Variants in PDGFC observed in about 807,000 individuals in gnomAD.
The protein encoded by PDGFC is platelet derived growth factor C, also known as platelet-derived growth factor C.
A neutral mutation model predicts 35.5 loss-of-function variants in PDGFC; 12 were observed. That is an observed-to-expected ratio of 0.34 (90% CI 0.22 to 0.55). The LOEUF (loss-of-function observed/expected upper bound fraction) is 0.55. Among genes scored for constraint, PDGFC ranks in the 20% least tolerant of loss-of-function variants. PDGFC has a pLI of 0.91. For missense variants in PDGFC, 322 were observed against 412.4 expected, an observed-to-expected ratio of 0.78 and a Z score of 1.90; for synonymous variants, 159 against 148.8, an observed-to-expected ratio of 1.07 and a Z score of -0.50.
intron 1 of PDGFC, among the ~76,000 whole-genome samples, chr4:156,923,750 A>G (rs932931495): frequency 6.6e-6 from 1 of 152,212 alleles, no homozygotes; most frequent in Non-Finnish European, 1.5e-5. Context: ...ACAAAAGATC[A>G]TATCAGTGAG....
intron 1 of PDGFC, among the ~76,000 whole-genome samples, chr4:156,931,737 A>G (rs1731554233): frequency 6.6e-6 from 1 of 152,106 alleles, no homozygotes; most frequent in South Asian, 2.1e-4. Flanking sequence ...AAGTGGAGAT[A>G]TTTATTCAGA....
chr4:156,912,845 A>G (rs1367633215), intron 1 of PDGFC, among the ~76,000 whole-genome samples: 2 of 152,058 alleles, frequency 1.3e-5, no homozygotes, highest in African/African-American at 4.8e-5. Flanking sequence ...AATATCTTTA[A>G]TTATAGACTA....
chr4:156,760,798 G>T lies in PDGFC; in HGVS notation c.*2292C>A, dbSNP rs557023938. On this transcript the variant is annotated 3_prime_UTR_variant, in exon 6 of 6. Coordinates refer to ENST00000502773, the MANE Select transcript of PDGFC (RefSeq NM_016205.3). ...TAAACAAAAAATAAATATTAAAAAA[G>T]GGAAAATATATTTCGTTCAAAGATG... 1 of 152,148 alleles carries T rather than the reference G, an allele frequency of 6.6e-6. No homozygotes were observed. Among genetic ancestry groups the T allele is most frequent in the South Asian group, 2.1e-4 (1 of 4,820 alleles). The allele number at this position is 152,148 out of a possible 1,614,324, so 9.4% of individuals were successfully genotyped here. A position where few individuals can be genotyped will look rare whatever the true frequency, so the allele number is the denominator to read the frequency against.
intron 1 of PDGFC, among the ~76,000 whole-genome samples, chr4:156,929,088 AG>A (rs1731487378): frequency 6.6e-6 from 1 of 152,258 alleles, no homozygotes; most frequent in African/African-American, 2.4e-5. Flanking sequence ...CAATAGTCAA[AG>A]AAGCAGTAAC....
intron 1 of PDGFC, among the ~76,000 whole-genome samples, chr4:156,910,028 TAG>T (rs1208468185): frequency 1.3e-5 from 2 of 152,030 alleles, no homozygotes; most frequent in African/African-American, 4.8e-5. Context: ...TCCAAAAGCT[TAG>T]AGACAGTCAT....
At position 156,971,422 on chromosome 4, in the gene PDGFC, C is replaced by A. The variant is rs1159202476; in HGVS notation, c.-519G>T. 2.6e-6 allele frequency: 1 copy of A among 383,990 alleles called. No homozygotes were observed. Among genetic ancestry groups the A allele is most frequent in the Non-Finnish European group, 4.6e-6 (1 of 217,238 alleles). The allele number at this position is 383,990 out of a possible 1,614,324, so 23.8% of individuals were successfully genotyped here. On this transcript the variant is annotated 5_prime_UTR_variant, in exon 1 of 6. Coordinates refer to ENST00000502773, the MANE Select transcript of PDGFC (RefSeq NM_016205.3). ...CCCTCTCCCCCGCCCCACCCCCCAC[C>A]CCCGAAGGGGGAGGGGGAAGAAACA...
chr4:156,938,168 G>GAA (rs1215940052), intron 1 of PDGFC, among the ~76,000 whole-genome samples: 4 of 151,674 alleles, frequency 2.6e-5, no homozygotes, highest in Admixed American at 2.6e-4. Flanking sequence ...TAACATACTA[G>GAA]GAAAAAAGGT....
intron 3 of PDGFC, among the ~76,000 whole-genome samples, chr4:156,809,711 G>GA (rs71602279): frequency 0.37 from 55,894 of 149,290 alleles, 13,352 homozygotes; most frequent in African/African-American, 0.67. Context: ...CACAAAATCA[G>GA]AAAAAAAAAC....
intron 1 of PDGFC, among the ~76,000 whole-genome samples, chr4:156,891,292 A>G (rs970808359): frequency 4.1e-5 from 2 of 49,140 alleles, no homozygotes; most frequent in African/African-American, 4.3e-4. Flanking sequence ...AAAAAAAAAA[A>G]AAAAAAAAAA....
intron 3 of PDGFC, among the ~76,000 whole-genome samples, chr4:156,774,927 A>G (rs1456350298): frequency 6.6e-6 from 1 of 152,168 alleles, no homozygotes; most frequent in Non-Finnish European, 1.5e-5. Flanking sequence ...GTGTAAGTAC[A>G]TATATATACA....
rs61505882 is a variant in PDGFC, at chr4:156,851,930, C to CAAAAAAAAAAAAAA, written c.119-1528_119-1515dup. On this transcript the variant is annotated intron_variant, in intron 1 of 5. Transcript: ENST00000502773. ...TGGGCGACAGAATGAGACTCCATCT[C>CAAAAAAAAAAAAAA]AAAAAAAAAAAAAAAAAAAAAAAAA... 5.2e-4 allele frequency among the ~76,000 whole-genome samples: 25 copies of CAAAAAAAAAAAAAA among 47,846 alleles called. 1 individual carries two copies. The highest frequency in any genetic ancestry group is 1.2e-3 in the African/African-American group (18 of 15,064). The allele number at this position is 47,846 out of a possible 152,430, so 31.4% of individuals were successfully genotyped here.
chr4:156,935,909 G>A (rs1731669227), intron 1 of PDGFC, among the ~76,000 whole-genome samples: 1 of 152,134 alleles, frequency 6.6e-6, no homozygotes, highest in African/African-American at 2.4e-5. Flanking sequence ...AAATTAAAAT[G>A]TCAAGTACAC....
chr4:156,779,560 C>T (rs1168799947), intron 3 of PDGFC, among the ~76,000 whole-genome samples: 1 of 152,106 alleles, frequency 6.6e-6, no homozygotes, highest in Non-Finnish European at 1.5e-5. Context: ...TGCAACTGGC[C>T]TTCAAAGGCC....
chr4:156,799,583 C>T (rs181949505), intron 3 of PDGFC, among the ~76,000 whole-genome samples: 5 of 152,258 alleles, frequency 3.3e-5, no homozygotes, highest in Admixed American at 3.3e-4. Flanking sequence ...ACTAGAAATA[C>T]TTGCTTTCCA....
At chr4:156,916,827 A>T (rs1331642976) in intron 1 of PDGFC, among the ~76,000 whole-genome samples, 1 of 152,204 alleles carries the variant, frequency 6.6e-6, no homozygotes, top group African/African-American at 2.4e-5. Flanking sequence ...ACTGGCCAAA[A>T]GATAAAAAAC....
intron 2 of PDGFC, chr4:156,842,094 A>T (rs867482900): frequency 6.6e-6 from 1 of 152,196 alleles, no homozygotes; most frequent in Non-Finnish European, 1.5e-5. Flanking sequence ...CTTCTATAAC[A>T]GAATGGACAT....
intron 1 of PDGFC, among the ~76,000 whole-genome samples, chr4:156,882,225 G>C (rs181166551): frequency 6.6e-6 from 1 of 152,164 alleles, no homozygotes; most frequent in Admixed American, 6.5e-5. Context: ...AGTCCACTAA[G>C]CTTGGCATTC....
chr4:156,869,353 T>G (rs957795701), intron 1 of PDGFC, among the ~76,000 whole-genome samples: 1 of 151,926 alleles, frequency 6.6e-6, no homozygotes, highest in Non-Finnish European at 1.5e-5. Flanking sequence ...GGAGAATGGC[T>G]TGAACCCAGG....
rs1732596971 is a variant in PDGFC at position 156,971,596 on chromosome 4, C to G, written c.-693G>C. On this transcript the variant is annotated 5_prime_UTR_variant, in exon 1 of 6. Transcript: ENST00000502773. ...AGCGCAGTTGGCCCCGGGTTCGGAG[C>G]GCCGCAGCACGGATTCCGGCACCTG... Among the ~76,000 whole-genome samples, 1 of 151,480 alleles carries G rather than the reference C, an allele frequency of 6.6e-6. No individual in the cohort carries two copies. Among genetic ancestry groups the G allele is most frequent in the Admixed American group, 6.6e-5 (1 of 15,216 alleles).
Sources: gnomAD v4.1 joint callset for allele counts (sites outside exome capture counted in the v4.1 genomes callset) on GRCh38, gnomAD v4.1.1 for gene constraint, MANE v1.5 for transcripts, NCBI Gene and HGNC (gene_info 2026-07-23, HGNC 2026-07-21) for gene names.